The following MALRD1 variants were observed in gnomAD, a reference collection of about 807,000 sequenced individuals.
The protein encoded by MALRD1 is MAM and LDL-receptor class A domain-containing protein 1.
In MALRD1, 247 loss-of-function variants were observed where a neutral mutation model predicts 242.1. That is an observed-to-expected ratio of 1.02 (90% CI 0.92 to 1.13). MALRD1 has a LOEUF of 1.13. Ranked by LOEUF, MALRD1 falls within the 50% of genes most tolerant of loss-of-function variation. The probability of loss-of-function intolerance (pLI) is 0.00; values close to 1 mark genes in which losing one functional copy is unlikely to be tolerated. For missense variants in MALRD1, 2,989 were observed against 2,533.1 expected (o/e 1.18, Z -3.86); for synonymous variants, 995 against 866.6 (o/e 1.15, Z -2.60).
At chr10:19,518,335 A>G (rs1829183602) in intron 31 of MALRD1, among the ~76,000 whole-genome samples, 1 of 152,256 alleles carries the variant, frequency 6.6e-6, no homozygotes, top group South Asian at 2.1e-4. Flanking sequence ...CAGTGTCCAT[A>G]AATAACTGTC....
At chr10:19,411,207 T>G (rs1208576201) in intron 28 of MALRD1, among the ~76,000 whole-genome samples, 1 of 152,202 alleles carries the variant, frequency 6.6e-6, no homozygotes, top group Non-Finnish European at 1.5e-5. Flanking sequence ...GAGAAGATAT[T>G]GTTCAGACTC....
At chr10:19,083,780 A>G (rs1835571460) in intron 2 of MALRD1, among the ~76,000 whole-genome samples, 1 of 151,990 alleles carries the variant, frequency 6.6e-6, no homozygotes, top group Non-Finnish European at 1.5e-5. Flanking sequence ...CAATGAGACT[A>G]GGGCAAGTTA....
chr10:19,221,839 A>G (rs1837565623), intron 18 of MALRD1, among the ~76,000 whole-genome samples: 1 of 152,110 alleles, frequency 6.6e-6, no homozygotes, highest in Non-Finnish European at 1.5e-5. Flanking sequence ...TAGCTCTCAC[A>G]CATTTATATA....
chr10:19,287,536 G>T (rs928929098), intron 21 of MALRD1, among the ~76,000 whole-genome samples: 6 of 151,932 alleles, frequency 3.9e-5, no homozygotes, highest in South Asian at 2.1e-4. Flanking sequence ...AAAATTAATA[G>T]TTTTCTTATC....
chr10:19,535,101 G>A (rs553267175), intron 32 of MALRD1, among the ~76,000 whole-genome samples: 1 of 151,998 alleles, frequency 6.6e-6, no homozygotes, highest in Non-Finnish European at 1.5e-5. Flanking sequence ...GGCCAGGCTG[G>A]TCTTAATCTC....
intron 19 of MALRD1, among the ~76,000 whole-genome samples, chr10:19,261,385 A>G (rs1003618332): frequency 3.9e-5 from 6 of 152,074 alleles, no homozygotes; most frequent in Admixed American, 2.6e-4. Context: ...AGGTTTTATA[A>G]AGGAATTTGA....
At chr10:19,341,663 C>T (rs1372341801) in intron 24 of MALRD1, among the ~76,000 whole-genome samples, 8 of 151,286 alleles carry the variant, frequency 5.3e-5, no homozygotes, top group African/African-American at 1.9e-4. Flanking sequence ...TGCTTGCAGT[C>T]GTGGCTTATA....
chr10:19,129,043 A>T (rs988580531), intron 8 of MALRD1, among the ~76,000 whole-genome samples: 2 of 152,064 alleles, frequency 1.3e-5, no homozygotes, highest in African/African-American at 4.8e-5. Context: ...CACCAGATGC[A>T]TGTTTTTTTT....
chr10:19,409,095 G>C (rs1246956588), intron 28 of MALRD1, among the ~76,000 whole-genome samples: 1 of 152,166 alleles, frequency 6.6e-6, no homozygotes, highest in Non-Finnish European at 1.5e-5. Flanking sequence ...GGCCTTCAGT[G>C]AGTGAATGGT....
intron 21 of MALRD1, among the ~76,000 whole-genome samples, chr10:19,298,940 A>G (rs1329086283): frequency 6.6e-6 from 1 of 151,964 alleles, no homozygotes; most frequent in Non-Finnish European, 1.5e-5. Flanking sequence ...AGAAAAAAAA[A>G]TCAAAACTAG....
intron 36 of MALRD1, among the ~76,000 whole-genome samples, chr10:19,632,009 G>A (rs994209416): frequency 1.3e-5 from 2 of 152,070 alleles, no homozygotes; most frequent in Non-Finnish European, 2.9e-5. Flanking sequence ...CAGGAACCTG[G>A]TAGAAAGAGA....
intron 28 of MALRD1, among the ~76,000 whole-genome samples, chr10:19,411,624 G>T (rs1278741422): frequency 6.6e-6 from 1 of 152,132 alleles, no homozygotes; most frequent in East Asian, 1.9e-4. Context: ...TACAACTCCA[G>T]ACAGTCCAGT....
intron 32 of MALRD1, among the ~76,000 whole-genome samples, chr10:19,553,846 C>T (rs915257448): frequency 2.0e-5 from 3 of 152,180 alleles, no homozygotes; most frequent in Admixed American, 1.3e-4. Context: ...GTCCCTTATT[C>T]TCTCTCGTCT....
intron 21 of MALRD1, among the ~76,000 whole-genome samples, chr10:19,302,649 T>G (rs1842004024): frequency 1.3e-5 from 2 of 151,744 alleles, no homozygotes. Context: ...GGTTACTTTT[T>G]GGGATGATCA....
At chr10:19,177,959 C>T (rs1260845396) in intron 14 of MALRD1, among the ~76,000 whole-genome samples, 1 of 152,058 alleles carries the variant, frequency 6.6e-6, no homozygotes, top group Non-Finnish European at 1.5e-5. Flanking sequence ...AAAGAAAGGT[C>T]AGGGAAGTTC....
intron 36 of MALRD1, among the ~76,000 whole-genome samples, chr10:19,653,019 C>A (rs1201552362): frequency 5.3e-5 from 8 of 152,154 alleles, no homozygotes; most frequent in Non-Finnish European, 1.0e-4. Context: ...TCAACATCAT[C>A]TTGCAAAACC....
intron 2 of MALRD1, among the ~76,000 whole-genome samples, chr10:19,083,683 A>G (rs1314945696): frequency 6.6e-6 from 1 of 151,946 alleles, no homozygotes; most frequent in East Asian, 1.9e-4. Context: ...AAGGTCTAGC[A>G]CCATTTTACT....
intron 18 of MALRD1, among the ~76,000 whole-genome samples, chr10:19,228,983 T>G (rs7095316): frequency 0.43 from 31,475 of 73,212 alleles, 3,310 homozygotes; most frequent in African/African-American, 0.52. Flanking sequence ...ATGCATGTGG[T>G]GTGTGTGTGT....
intron 29 of MALRD1, among the ~76,000 whole-genome samples, chr10:19,467,414 A>AAAG (rs61261955): frequency 8.5e-6 from 1 of 117,574 alleles, no homozygotes; most frequent in African/African-American, 3.1e-5. Context: ...AAAAAAAAAG[A>AAAG]AAAAGACCTT....
Sources: allele counts gnomAD v4.1 joint callset (sites outside exome capture counted in the v4.1 genomes callset), GRCh38; gene constraint gnomAD v4.1.1; transcripts MANE v1.5; gene names NCBI Gene and HGNC (gene_info 2026-07-23, HGNC 2026-07-21).